Variants in GHRHR observed in about 807,000 individuals in gnomAD.
The protein encoded by GHRHR is growth hormone releasing hormone receptor, also known as growth hormone-releasing hormone receptor.
Under a neutral mutation model 58.3 loss-of-function variants are expected in GHRHR, and 40 were observed. The observed-to-expected ratio is 0.69, with a 90% CI of 0.53 to 0.89. The LOEUF (loss-of-function observed/expected upper bound fraction) is 0.89, where lower values mean the gene tolerates loss of function less well. Among genes scored for constraint, GHRHR ranks in the 40% least tolerant of loss-of-function variants. The pLI, the probability that GHRHR is intolerant of heterozygous loss-of-function variation, is 0.00. For synonymous variants in GHRHR, 249 were observed against 216.6 expected (o/e 1.15, Z -1.31); for missense variants, 551 against 541.3 (o/e 1.02, Z -0.18).
In GHRHR at chr7:30,975,031, C is replaced by T. The variant is rs374443097; in HGVS notation, c.873C>T (p.Leu291=). ...GGATCATCAAAGGGCCCATTGTCCT[C>T]TCGGTCGGGGTCAGTCCCTGGGCCA... ...YWWIIKGPIV[L]SVGVNFGLFL... is the part of the protein sequence containing the mutation. Residue 291 remains leucine, a synonymous_variant, in exon 9 of 13, where the codon CTC becomes CTT. Transcript: ENST00000326139. The T allele has an allele frequency of 2.1e-5, 34 of 1,610,590 alleles. No homozygotes were observed. In the African/African-American group the frequency reaches 4.0e-4, roughly 19 times the overall value.
chr7:30,970,335 T>C (rs547703135), intron 4 of GHRHR, among the ~76,000 whole-genome samples: 2 of 152,222 alleles, frequency 1.3e-5, no homozygotes, highest in East Asian at 3.9e-4. Context: ...TGGAGCAGTG[T>C]GCATGGTTGC....
intron 1 of GHRHR, among the ~76,000 whole-genome samples, chr7:30,965,266 A>G (rs914591224): frequency 1.3e-5 from 2 of 152,158 alleles, no homozygotes; most frequent in Non-Finnish European, 2.9e-5. Flanking sequence ...CATTCAGCAG[A>G]TGGTGCTAGT....
In GHRHR at chr7:30,974,211, G is replaced by A. The variant is rs35937672; in HGVS notation, c.751+73G>A. ...AAAGGCCCAGGGAGTTTACATAAAG[G>A]CCCCTCCACCTCACTCTGAGGCCCA... is the stretch of plus-strand genomic sequence containing the variant. On this transcript the variant is annotated intron_variant, in intron 7 of 12. Transcript: ENST00000326139. The A allele has an allele frequency of 6.7e-4, 987 of 1,467,360 alleles. 4 individuals carry two copies. The African/African-American group carries it at 0.012, about 18-fold the overall frequency. 90.9% of individuals were successfully genotyped at this position (1,467,360 alleles called of 1,614,324 possible).
chr7:30,969,639 T>C, intron 3 of GHRHR: 1 of 622,936 alleles, frequency 1.6e-6, no homozygotes, highest in Non-Finnish European at 2.9e-6. Context: ...AGGGGAATAA[T>C]CCTCTTTGTG....
intron 12 of GHRHR, 54 bp from the exon 13 acceptor site, chr7:30,979,065 G>A: frequency 6.4e-7 from 1 of 1,574,268 alleles, no homozygotes; most frequent in Non-Finnish European, 8.7e-7. Flanking sequence ...CATTGGGGTT[G>A]AGTAGCAAAG....
At chr7:30,970,240 G>A (rs1792455183) in intron 4 of GHRHR, among the ~76,000 whole-genome samples, 1 of 152,196 alleles carries the variant, frequency 6.6e-6, no homozygotes, top group African/African-American at 2.4e-5. Context: ...CAGGCCTCCA[G>A]GGCAGGGAGC....
chr7:30,966,401 G>A (rs1792353228), intron 1 of GHRHR, among the ~76,000 whole-genome samples: 1 of 151,384 alleles, frequency 6.6e-6, no homozygotes, highest in Admixed American at 6.6e-5. Flanking sequence ...TGTGTGTGGG[G>A]TGGGGGTGGG....
chr7:30,969,083 G>A lies in GHRHR; in HGVS notation c.181G>A (p.Gly61Arg), dbSNP rs1050194454. 1 of 1,580,748 alleles carries A rather than the reference G, an allele frequency of 6.3e-7. No individual in the cohort carries two copies. Among genetic ancestry groups the A allele is most frequent in the Non-Finnish European group, 8.6e-7 (1 of 1,162,906 alleles). The change falls in exon 3 of 13, where the codon GGG becomes AGG. Residue 61 changes from glycine (G) to arginine (R), a missense_variant. Physicochemically the swap from Gly to Arg is moderately radical, Grantham distance 125 (BLOSUM62 -2). Transcript: ENST00000326139. ...TTLGCPATWD[G>R]LLCWPTAGSG... Reference sequence around the variant, plus strand: ...TCCAGGCTGCCCTGCGACCTGGGATGGGCTGCTGTGCTGGCCAACGGCAGG... The same window carrying A: ...TCCAGGCTGCCCTGCGACCTGGGATAGGCTGCTGTGCTGGCCAACGGCAGG...
chr7:30,968,636 C>T (rs183348239), intron 1 of GHRHR, among the ~76,000 whole-genome samples, 198 bp from the exon 2 acceptor site: 6 of 110,288 alleles, frequency 5.4e-5, no homozygotes, highest in African/African-American at 1.6e-4. Context: ...CTCCCTCCCT[C>T]CCTCCCTTCC....
In GHRHR at chr7:30,968,734, A is replaced by G. The variant is rs187638555; in HGVS notation, c.58-100A>G. 1,923 of 775,102 alleles carry G rather than the reference A, an allele frequency of 2.5e-3. 9 individuals carry two copies. The highest frequency in any genetic ancestry group is 4.0e-3 in the Non-Finnish European group (1,718 of 433,920). The allele number at this position is 775,102 out of a possible 1,614,324, so 48.0% of individuals were successfully genotyped here. On this transcript the variant is annotated intron_variant, in intron 1 of 12. Transcript: ENST00000326139. ...GTCTTTGCCTAGGATTAGGGCACAG[A>G]TATGAATCAGGCCTTGTCCCTGTTC... is the stretch of plus-strand genomic sequence containing the variant.
chr7:30,968,491 C>T (rs540875757), intron 1 of GHRHR, among the ~76,000 whole-genome samples: 34 of 152,138 alleles, frequency 2.2e-4, no homozygotes, highest in South Asian at 4.2e-4. Context: ...TCCTCTTTTC[C>T]GGGGTGACTT....
intron 8 of GHRHR, 138 bp from the exon 9 acceptor site, chr7:30,974,833 C>T (rs1222077919): frequency 1.3e-6 from 1 of 759,254 alleles, no homozygotes; most frequent in Admixed American, 1.8e-5. Context: ...TGGGTGAGAC[C>T]TTAACTGGCT....
rs1003823188 is a variant in GHRHR at position 30,972,018 on chromosome 7, C to T, written c.520C>T (p.Leu174Phe). The T allele has an allele frequency of 1.2e-5, 19 of 1,614,002 alleles. No homozygotes were observed. The highest frequency in any genetic ancestry group is 1.4e-5 in the Non-Finnish European group (17 of 1,179,924). ...CACCCAGCTGTTCACCACTTTTATC[C>T]TCAAGGCGGGAGCTGTGTTCCTGAA... The part of the protein sequence containing the change: ...VHTQLFTTFI[L>F]KAGAVFLKDA... The change falls in exon 6 of 13, where the codon CTC (leucine) becomes TTC (phenylalanine). Residue 174 changes from leucine to phenylalanine, a missense_variant. Physicochemically the swap from Leu to Phe is conservative, Grantham distance 22 (BLOSUM62 0). Coordinates refer to ENST00000326139, the MANE Select transcript of GHRHR (RefSeq NM_000823.4).
chr7:30,973,927 C>CT (rs902773017), intron 6 of GHRHR, 58 bp from the exon 7 acceptor site: 18 of 1,557,372 alleles, frequency 1.2e-5, no homozygotes, highest in Non-Finnish European at 1.5e-5. Context: ...GTAGAGGAGA[C>CT]TGGGATGGGG....
intron 7 of GHRHR, 101 bp from the exon 8 acceptor site, chr7:30,974,328 G>A: frequency 8.9e-7 from 1 of 1,117,340 alleles, no homozygotes; most frequent in Non-Finnish European, 1.4e-6. Flanking sequence ...CCCTGCCTTT[G>A]CAGTGCCCTA....
intron 6 of GHRHR, among the ~76,000 whole-genome samples, chr7:30,973,278 A>T (rs1004815819): frequency 1.3e-5 from 2 of 152,232 alleles, no homozygotes; most frequent in African/African-American, 4.8e-5. Flanking sequence ...CTTAGGGGTG[A>T]CAGAGATGGA....
rs189950019 is a variant in GHRHR at position 30,979,186 on chromosome 7, G to C, written c.1214G>C (p.Arg405Pro). The change falls in exon 13 of 13, where the codon CGT (arginine) becomes CCT (proline). Residue 405 changes from arginine (R) to proline (P), a missense_variant. Coordinates refer to ENST00000326139, the MANE Select transcript of GHRHR (RefSeq NM_000823.4). The stretch of plus-strand genomic sequence containing the variant: ...GAGCTTCTGCCAGCCTGGAGGACCC[G>C]TGCTAAGTGGACCACGCCTTCCCGC... ...DPELLPAWRTRAKWTTPSRSA... is the reference protein window; with the variant it reads ...DPELLPAWRTPAKWTTPSRSA... 6.2e-7 allele frequency: 1 copy of C among 1,613,838 alleles called. No individual in the cohort carries two copies. Among genetic ancestry groups the C allele is most frequent in the African/African-American group, 1.3e-5 (1 of 75,046 alleles).
intron 11 of GHRHR, 33 bp downstream of exon 11, chr7:30,976,591 T>A (rs746910652): frequency 6.2e-7 from 1 of 1,604,396 alleles, no homozygotes; most frequent in South Asian, 1.1e-5. Context: ...TTTCTTTCCA[T>A]TGAGGGTGCT....
chr7:30,974,405 T>C, intron 7 of GHRHR, 24 bp from the exon 8 acceptor site: 1 of 1,568,136 alleles, frequency 6.4e-7, no homozygotes, highest in Non-Finnish European at 8.8e-7. Flanking sequence ...CTCCCTCGCT[T>C]GTGTCTTCCC....
Sources: gnomAD v4.1 joint callset for allele counts (sites outside exome capture counted in the v4.1 genomes callset) on GRCh38, gnomAD v4.1.1 for gene constraint, MANE v1.5 for transcripts, NCBI Gene and HGNC (gene_info 2026-07-23, HGNC 2026-07-21) for gene names.